Variants in FGF13 observed in about 807,000 individuals in gnomAD.
FGF13 encodes fibroblast growth factor homologous factor 2.
In FGF13, 2 loss-of-function variants were observed where a neutral mutation model predicts 19.5. The ratio of observed to expected loss-of-function variants is 0.10; its 90% CI spans 0.04 to 0.32. The LOEUF is 0.32. Among genes scored for constraint, FGF13 ranks in the 10% least tolerant of loss-of-function variants. The pLI is 1.00. For synonymous variants in FGF13, 72 were observed against 76.9 expected, an observed-to-expected ratio of 0.94 and a Z score of 0.33; for missense variants, 113 against 192.7, an observed-to-expected ratio of 0.59 and a Z score of 2.45.
chrX:138,978,416 C>T (rs1402858954), intron 1 of FGF13, among the ~76,000 whole-genome samples: 1 of 109,997 alleles, frequency 9.1e-6, no homozygotes, highest in Non-Finnish European at 1.9e-5. Flanking sequence ...GCGCCCTCCA[C>T]CACGCCTGGC....
At chrX:138,713,589 C>T (rs915814001), upstream of FGF13, among the ~76,000 whole-genome samples, 1 of 111,840 alleles carries the variant, frequency 8.9e-6, no homozygotes. Context: ...AGTTCTGATT[C>T]AGGAAGGGGA....
upstream of FGF13, among the ~76,000 whole-genome samples, chrX:138,741,129 C>G (rs1034208312): frequency 3.6e-5 from 4 of 112,402 alleles, no homozygotes; most frequent in African/African-American, 1.3e-4. Flanking sequence ...TTCCTTCAAA[C>G]AAAAATAGAA....
At chrX:138,992,984 T>C (rs1464225229) in intron 1 of FGF13, among the ~76,000 whole-genome samples, 1 of 112,148 alleles carries the variant, frequency 8.9e-6, no homozygotes, top group Non-Finnish European at 1.9e-5. Context: ...CCTCTTGATA[T>C]CATGCACTGG....
chrX:138,640,579 A>C (rs945678705), intron 3 of FGF13, among the ~76,000 whole-genome samples: 1 of 111,542 alleles, frequency 9.0e-6, no homozygotes, highest in Non-Finnish European at 1.9e-5. Flanking sequence ...GGCTTCCCTG[A>C]ATTGAGCCAA....
intron 1 of FGF13, among the ~76,000 whole-genome samples, chrX:139,126,869 C>T (rs1307911665): frequency 9.0e-6 from 1 of 111,623 alleles, no homozygotes; most frequent in African/African-American, 3.3e-5. Flanking sequence ...GAGCCACATC[C>T]CAGTCCACTG....
At chrX:138,748,331 A>G (rs1164498920) in intron 3 of FGF13, among the ~76,000 whole-genome samples, 2 of 111,701 alleles carry the variant, frequency 1.8e-5, no homozygotes, top group Non-Finnish European at 3.8e-5. Flanking sequence ...AGGTTACATT[A>G]GGGCCCATAA....
At position 139,159,092 on chromosome X, in the gene FGF13, C is replaced by A. The variant is rs751835638; in HGVS notation, c.-113+44324G>T. Among the ~76,000 whole-genome samples the A allele has an allele frequency of 3.6e-5, 4 of 111,996 alleles. No individual in the cohort carries two copies. In the East Asian group the frequency reaches 1.1e-3, roughly 32 times the overall value. On this transcript the variant is annotated intron_variant, in intron 1 of 2. Coordinates refer to the FGF13 transcript ENST00000421460. ...GCAGCCAGAGAGAAAGGTTGGGTTA[C>A]CCACAAAGGGAAGCCCATCAGGCTA... is the stretch of plus-strand genomic sequence containing the variant.
intron 1 of FGF13, among the ~76,000 whole-genome samples, chrX:139,154,186 G>A (rs148606457): frequency 3.3e-4 from 37 of 111,693 alleles, no homozygotes; most frequent in African/African-American, 1.1e-3. Context: ...TCCCATTGGT[G>A]AGAAAATTTC....
chrX:138,775,920 T>C (rs2090584092), intron 3 of FGF13, among the ~76,000 whole-genome samples: 1 of 112,502 alleles, frequency 8.9e-6, no homozygotes, highest in Non-Finnish European at 1.9e-5. Context: ...TATGTTGTGA[T>C]GTGAGGGAGT....
intron 3 of FGF13, among the ~76,000 whole-genome samples, chrX:138,650,591 A>G (rs967250258): frequency 8.9e-6 from 1 of 111,774 alleles, no homozygotes; most frequent in Non-Finnish European, 1.9e-5. Flanking sequence ...TGCCAATATA[A>G]GATATTAAGA....
chrX:138,827,871 G>C (rs1326062939), intron 3 of FGF13, among the ~76,000 whole-genome samples: 1 of 112,031 alleles, frequency 8.9e-6, no homozygotes, highest in Admixed American at 9.5e-5. Context: ...AGACAACTCT[G>C]TAAGTTGAAT....
At chrX:138,800,080 A>AT (rs1229176772) in intron 3 of FGF13, among the ~76,000 whole-genome samples, 1 of 111,760 alleles carries the variant, frequency 8.9e-6, no homozygotes, top group Non-Finnish European at 1.9e-5. Flanking sequence ...TACATTTAAG[A>AT]TTAATATTGT....
intron 3 of FGF13, among the ~76,000 whole-genome samples, chrX:138,776,912 C>T (rs986506707): frequency 4.5e-5 from 5 of 111,558 alleles, no homozygotes; most frequent in African/African-American, 1.6e-4. Context: ...AGTATTAATA[C>T]AAATATGAAC....
chrX:138,735,997 G>A (rs985527834), intron 1 of FGF13, among the ~76,000 whole-genome samples: 5 of 112,164 alleles, frequency 4.5e-5, no homozygotes, highest in African/African-American at 1.6e-4. Context: ...TTTATAAAAC[G>A]AGAGACACTT....
chrX:139,163,516 A>G (rs1429681643), intron 1 of FGF13, among the ~76,000 whole-genome samples: 3 of 111,100 alleles, frequency 2.7e-5, no homozygotes, highest in African/African-American at 9.8e-5. Context: ...TGTTCTGCCC[A>G]TGTATCCCAG....
intron 3 of FGF13, among the ~76,000 whole-genome samples, chrX:138,845,187 C>A (rs2091173137): frequency 9.0e-6 from 1 of 111,172 alleles, no homozygotes; most frequent in Admixed American, 9.6e-5. Context: ...TTTTTGAATG[C>A]AACACAATCT....
chrX:138,970,464 A>G (rs2091911267), intron 1 of FGF13, among the ~76,000 whole-genome samples: 1 of 111,232 alleles, frequency 9.0e-6, no homozygotes, highest in African/African-American at 3.3e-5. Flanking sequence ...GAAAAACAAT[A>G]TGTCACTCTG....
chrX:138,950,081 T>C (rs2091802767), intron 1 of FGF13, among the ~76,000 whole-genome samples: 1 of 111,951 alleles, frequency 8.9e-6, no homozygotes, highest in African/African-American at 3.2e-5. Flanking sequence ...CATTCTTCTC[T>C]ATTACTAGAA....
chrX:139,042,571 T>TA (rs56098995), intron 1 of FGF13, among the ~76,000 whole-genome samples: 1 of 110,169 alleles, frequency 9.1e-6, no homozygotes, highest in Non-Finnish European at 1.9e-5. Context: ...TGCATTTATG[T>TA]AAAAAAAATT....
Sources: gnomAD v4.1 joint callset for allele counts (sites outside exome capture counted in the v4.1 genomes callset) on GRCh38, gnomAD v4.1.1 for gene constraint, MANE v1.5 for transcripts, NCBI Gene and HGNC (gene_info 2026-07-23, HGNC 2026-07-21) for gene names.